The following FRMD4A variants were observed in gnomAD, a reference collection of about 807,000 sequenced individuals.
FRMD4A encodes FERM domain-containing protein 4A.
A neutral mutation model predicts 129.1 loss-of-function variants in FRMD4A; 29 were observed. The ratio of observed to expected loss-of-function variants is 0.22; its 90% CI spans 0.17 to 0.31. The LOEUF is 0.31. Among genes scored for constraint, FRMD4A ranks in the 10% least tolerant of loss-of-function variants. The pLI is 1.00. For missense variants in FRMD4A, 1,272 were observed against 1,375.8 expected (o/e 0.92, Z 1.19); for synonymous variants, 634 against 571.6 (o/e 1.11, Z -1.56).
intron 2 of FRMD4A, among the ~76,000 whole-genome samples, chr10:14,174,534 GTTCATTCATTCA>G (rs3033997): frequency 4.7e-5 from 7 of 150,402 alleles, no homozygotes; most frequent in African/African-American, 1.7e-4. Flanking sequence ...GCGTTTGTTC[GTTCATTCATTCA>G]TTCATTCATT....
intron 2 of FRMD4A, among the ~76,000 whole-genome samples, chr10:14,150,333 C>A (rs952324201): frequency 6.6e-6 from 1 of 152,152 alleles, no homozygotes; most frequent in African/African-American, 2.4e-5. Context: ...CAAATCAGAG[C>A]CTGTGAACTG....
At chr10:13,861,919 T>C (rs1045031085) in intron 2 of FRMD4A, among the ~76,000 whole-genome samples, 1 of 152,232 alleles carries the variant, frequency 6.6e-6, no homozygotes, top group Non-Finnish European at 1.5e-5. Context: ...ATCAAAAAAG[T>C]ACACTAGAAA....
At chr10:13,975,758 T>C (rs2095540136) in intron 2 of FRMD4A, among the ~76,000 whole-genome samples, 1 of 144,420 alleles carries the variant, frequency 6.9e-6, no homozygotes, top group Non-Finnish European at 1.5e-5. Flanking sequence ...CTTGTGTTTC[T>C]ATGTGTGTGT....
chr10:13,662,683 GAC>G (rs1238854547), intron 19 of FRMD4A, among the ~76,000 whole-genome samples: 2 of 152,144 alleles, frequency 1.3e-5, no homozygotes, highest in Non-Finnish European at 2.9e-5. Flanking sequence ...GAAATAATAA[GAC>G]AGTTTTCCAG....
At position 13,985,539 on chromosome 10, in the gene FRMD4A, T is replaced by C. The variant is rs959180668; in HGVS notation, c.46-126627A>G. Among the ~76,000 whole-genome samples the C allele has an allele frequency of 3.3e-5, 5 of 152,180 alleles. No homozygotes were observed. The South Asian group carries it at 6.2e-4, about 19-fold the overall frequency. ...CTGGAAAGCCAGGCATATGCTAAGGTTGGGATGCCGGAGAGAGAATAGGAT... is the reference window on the plus strand; with the variant it reads ...CTGGAAAGCCAGGCATATGCTAAGGCTGGGATGCCGGAGAGAGAATAGGAT... On this transcript the variant is annotated intron_variant, in intron 2 of 24. Coordinates refer to ENST00000357447, the MANE Select transcript of FRMD4A (RefSeq NM_018027.5).
chr10:14,095,563 T>C (rs1241253050), intron 2 of FRMD4A, among the ~76,000 whole-genome samples: 2 of 152,236 alleles, frequency 1.3e-5, no homozygotes, highest in Admixed American at 1.3e-4. Context: ...TTATTTTACA[T>C]ACGCACTTCT....
chr10:13,968,499 C>G (rs2095498700), intron 2 of FRMD4A, among the ~76,000 whole-genome samples: 1 of 152,240 alleles, frequency 6.6e-6, no homozygotes, highest in Non-Finnish European at 1.5e-5. Flanking sequence ...CTCACCCAGG[C>G]TGGAGCGCAA....
intron 2 of FRMD4A, among the ~76,000 whole-genome samples, chr10:14,271,801 G>T (rs1220339440): frequency 6.6e-6 from 1 of 152,122 alleles, no homozygotes; most frequent in Non-Finnish European, 1.5e-5. Context: ...AGCATGATTT[G>T]CATTTTTAAA....
intron 2 of FRMD4A, among the ~76,000 whole-genome samples, chr10:14,193,445 C>CACAT (rs1216100190): frequency 6.8e-6 from 1 of 148,098 alleles, no homozygotes; most frequent in African/African-American, 2.6e-5. Context: ...GGTGTTTTAC[C>CACAT]ACATACATAC....
chr10:13,949,411 C>T (rs74122405), intron 2 of FRMD4A, among the ~76,000 whole-genome samples: 1,779 of 151,938 alleles, frequency 0.012, 34 homozygotes, highest in African/African-American at 0.036. Context: ...ATTACTTACA[C>T]GAAGTTTAGT....
At chr10:14,307,872 C>T (rs999349816) in intron 2 of FRMD4A, among the ~76,000 whole-genome samples, 1 of 152,338 alleles carries the variant, frequency 6.6e-6, no homozygotes, top group African/African-American at 2.4e-5. Flanking sequence ...GACTCTAGCC[C>T]TGGGTCCTAG....
chr10:14,281,920 C>T (rs944471130), intron 2 of FRMD4A, among the ~76,000 whole-genome samples: 3 of 152,194 alleles, frequency 2.0e-5, no homozygotes, highest in African/African-American at 7.2e-5. Context: ...TTTTACATTG[C>T]TGATAAAGAC....
intron 5 of FRMD4A, among the ~76,000 whole-genome samples, chr10:13,789,895 G>C (rs2092957045): frequency 1.3e-5 from 2 of 151,654 alleles, no homozygotes; most frequent in South Asian, 4.2e-4. Flanking sequence ...CTTTTCTGAG[G>C]ATAATGGGAA....
At chr10:13,652,287 G>A in intron 23 of FRMD4A, 3 of 401,810 alleles carry the variant, frequency 7.5e-6, no homozygotes, top group South Asian at 5.5e-5. Context: ...CTCACTAGTT[G>A]TAGGTGGTGA....
intron 2 of FRMD4A, among the ~76,000 whole-genome samples, chr10:14,329,708 A>G (rs529118390): frequency 2.0e-4 from 30 of 152,190 alleles, no homozygotes; most frequent in Non-Finnish European, 2.6e-4. Flanking sequence ...AAAAACAAAC[A>G]CAATCAGCTC....
At chr10:14,124,490 A>G (rs1014977211) in intron 2 of FRMD4A, among the ~76,000 whole-genome samples, 2 of 152,170 alleles carry the variant, frequency 1.3e-5, no homozygotes, top group Non-Finnish European at 2.9e-5. Flanking sequence ...AGCCTGGCCA[A>G]TATGGTGAAA....
chr10:14,314,464 T>A (rs1326580538), intron 2 of FRMD4A, among the ~76,000 whole-genome samples: 1 of 152,168 alleles, frequency 6.6e-6, no homozygotes, highest in Non-Finnish European at 1.5e-5. Flanking sequence ...TGCCCTATTT[T>A]GGCCAGTGAA....
At chr10:14,184,803 T>C (rs1311002562) in intron 2 of FRMD4A, among the ~76,000 whole-genome samples, 1 of 152,178 alleles carries the variant, frequency 6.6e-6, no homozygotes, top group African/African-American at 2.4e-5. Context: ...GCGCATTTTC[T>C]TATTTATTTA....
chr10:14,324,029 C>T (rs1843166951), intron 2 of FRMD4A, among the ~76,000 whole-genome samples: 1 of 152,214 alleles, frequency 6.6e-6, no homozygotes, highest in Non-Finnish European at 1.5e-5. Flanking sequence ...GATCCAGCTT[C>T]TCCTGGAGCT....
Sources: gnomAD v4.1 joint callset for allele counts (sites outside exome capture counted in the v4.1 genomes callset) on GRCh38, gnomAD v4.1.1 for gene constraint, MANE v1.5 for transcripts, NCBI Gene and HGNC (gene_info 2026-07-23, HGNC 2026-07-21) for gene names.